The following PTPRB variants were observed in gnomAD, a reference collection of about 807,000 sequenced individuals.
The protein encoded by PTPRB is protein tyrosine phosphatase receptor type B.
A neutral mutation model predicts 238.1 loss-of-function variants in PTPRB; 97 were observed. The observed-to-expected ratio is 0.41, with a 90% CI of 0.35 to 0.48. The LOEUF is 0.48. Ranked by LOEUF, PTPRB falls within the 20% of genes least tolerant of loss-of-function variation. PTPRB has a pLI of 0.30. For missense variants in PTPRB, 2,292 were observed against 2,681.9 expected (o/e 0.85, Z 3.21); for synonymous variants, 970 against 995.4 (o/e 0.97, Z 0.48).
intron 14 of PTPRB, 136 bp from the exon 15 acceptor site, chr12:70,566,840 T>A: frequency 1.1e-6 from 1 of 914,226 alleles, no homozygotes. Context: ...TGACACTTTC[T>A]GTGTGCCCTT....
chr12:70,543,033 T>G (rs1176702310), intron 22 of PTPRB: 1 of 152,128 alleles, frequency 6.6e-6, no homozygotes, highest in Non-Finnish European at 1.5e-5. Flanking sequence ...AATAAATATT[T>G]TCTTCCTATT....
intron 14 of PTPRB, 51 bp downstream of exon 14, chr12:70,569,624 G>A (rs544953767): frequency 8.1e-6 from 13 of 1,601,514 alleles, no homozygotes; most frequent in African/African-American, 2.7e-5. Flanking sequence ...TCCCATTTTG[G>A]AGAACCATGA....
At chr12:70,556,256 C>T in intron 18 of PTPRB, 108 bp from the exon 19 acceptor site, 1 of 974,756 alleles carries the variant, frequency 1.0e-6, no homozygotes, top group South Asian at 1.7e-5. Flanking sequence ...GAGGGACAGA[C>T]AGGCAAATAC....
intron 2 of PTPRB, among the ~76,000 whole-genome samples, chr12:70,625,698 G>C (rs1034717117): frequency 6.6e-6 from 1 of 152,098 alleles, no homozygotes; most frequent in Non-Finnish European, 1.5e-5. Flanking sequence ...TCATGGAATA[G>C]CAAGATGTTT....
At chr12:70,541,501 G>T (rs1256315046) in intron 22 of PTPRB, 1 of 152,342 alleles carries the variant, frequency 6.6e-6, no homozygotes, top group African/African-American at 2.4e-5. Flanking sequence ...ACCCATCTAA[G>T]TTGTACAATT....
intron 2 of PTPRB, among the ~76,000 whole-genome samples, chr12:70,630,105 G>T (rs536478878): frequency 1.3e-5 from 2 of 152,142 alleles, no homozygotes; most frequent in Admixed American, 1.3e-4. Context: ...GCCTGGCAGA[G>T]ACACAACAAA....
intron 31 of PTPRB, among the ~76,000 whole-genome samples, chr12:70,533,298 G>A (rs1873578959): frequency 1.3e-5 from 2 of 151,154 alleles, no homozygotes; most frequent in Admixed American, 6.5e-5. Context: ...TATTAAAAGT[G>A]TCAAGGTTCC....
At chr12:70,564,474 G>A (rs923544897) in intron 15 of PTPRB, among the ~76,000 whole-genome samples, 5 of 146,442 alleles carry the variant, frequency 3.4e-5, no homozygotes, top group African/African-American at 7.7e-5. Context: ...AGCTAAGATC[G>A]CACCACTGCA....
At chr12:70,607,548 CTTTTTTT>C (rs546758555) in intron 4 of PTPRB, among the ~76,000 whole-genome samples, 1 of 137,114 alleles carries the variant, frequency 7.3e-6, no homozygotes, top group African/African-American at 2.7e-5. Context: ...TTTTCCTTTT[CTTTTTTT>C]TTTTTTTTTT....
chr12:70,610,887 T>G (rs1884408161), intron 3 of PTPRB, among the ~76,000 whole-genome samples: 1 of 149,830 alleles, frequency 6.7e-6, no homozygotes, highest in Non-Finnish European at 1.5e-5. Context: ...CTCCACAAGT[T>G]AAAAAAAAAA....
intron 9 of PTPRB, among the ~76,000 whole-genome samples, chr12:70,583,044 A>C (rs1344071198): frequency 1.3e-5 from 2 of 152,130 alleles, no homozygotes; most frequent in East Asian, 3.9e-4. Flanking sequence ...TTTTAAAACA[A>C]ACTGCTAATA....
chr12:70,517,090 G>T lies in PTPRB; in HGVS notation c.*4399C>A, dbSNP rs1871253968. 6.6e-6 allele frequency: 1 copy of T among 152,098 alleles called. No homozygotes were observed. Among genetic ancestry groups the T allele is most frequent in the Admixed American group, 6.5e-5 (1 of 15,268 alleles). The allele number at this position is 152,098 out of a possible 1,614,324, so 9.4% of individuals were successfully genotyped here. A position where few individuals can be genotyped will look rare whatever the true frequency, so the allele number is the denominator to read the frequency against. On this transcript the variant is annotated 3_prime_UTR_variant, in exon 34 of 34. Coordinates refer to ENST00000334414, the MANE Select transcript of PTPRB (RefSeq NM_001109754.4). ...GTTACCCTGCATTTTAACTAAAATG[G>T]CCAAACATTTTCAAAGTCATCATGC...
intron 11 of PTPRB, among the ~76,000 whole-genome samples, chr12:70,576,033 T>C (rs2136397646): frequency 6.6e-6 from 1 of 152,278 alleles, no homozygotes; most frequent in East Asian, 1.9e-4. Flanking sequence ...TTGACCTCCC[T>C]GAACCTTGGT....
intron 21 of PTPRB, among the ~76,000 whole-genome samples, chr12:70,544,996 G>A (rs1238845436): frequency 6.6e-6 from 1 of 152,202 alleles, no homozygotes; most frequent in Non-Finnish European, 1.5e-5. Context: ...TGTGTGCTAT[G>A]AAAAAGAAAA....
chr12:70,572,181 G>A (rs1880145120), intron 11 of PTPRB, 94 bp from the exon 12 acceptor site: 2 of 1,260,614 alleles, frequency 1.6e-6, no homozygotes, highest in Admixed American at 4.6e-5. Context: ...AGAGAGAGTA[G>A]ATTATTATTG....
chr12:70,617,289 C>A (rs550105571), intron 3 of PTPRB, among the ~76,000 whole-genome samples: 13 of 152,308 alleles, frequency 8.5e-5, no homozygotes, highest in African/African-American at 3.1e-4. Context: ...ATTAAGAAAA[C>A]TATAGTCCAT....
Position 70,519,893 on chromosome 12 carries a change from T to C in PTPRB, c.*1596A>G, listed in dbSNP as rs1871486233. Reference sequence around the variant, plus strand: ...AAACTTCAAATAACCTTGGAAAAATTTCCAGATTGGGTGTAGAGTTATTTA... The same window carrying C: ...AAACTTCAAATAACCTTGGAAAAATCTCCAGATTGGGTGTAGAGTTATTTA... On this transcript the variant is annotated 3_prime_UTR_variant, in exon 34 of 34. Transcript: ENST00000334414. The C allele has an allele frequency of 6.2e-6, 1 of 160,064 alleles. No individual in the cohort carries two copies. Among genetic ancestry groups the C allele is most frequent in the Non-Finnish European group, 1.4e-5 (1 of 73,158 alleles). 9.9% of individuals were successfully genotyped at this position (160,064 alleles called of 1,614,324 possible).
At chr12:70,577,086 A>G (rs575872696) in intron 10 of PTPRB, among the ~76,000 whole-genome samples, 1 of 152,340 alleles carries the variant, frequency 6.6e-6, no homozygotes, top group Admixed American at 6.5e-5. Context: ...GAAGAATACG[A>G]TAGCTTTTCT....
Position 70,609,091 on chromosome 12 carries a change from C to G in PTPRB, c.957G>C (p.Glu319Asp). The stretch of plus-strand genomic sequence containing the variant: ...TACCTGTTTGCAAGACCACTGTTCT[C>G]TCTTCATCCAGAGAAATAATCCTGA... ...YNFRIISLDE[E>D]RTVVLQTDPL... Residue 319 changes from glutamate (E) to aspartate (D), a missense_variant, in exon 4 of 34, where the codon GAG becomes GAC. By Grantham distance (45) the Glu-to-Asp change is conservative. Coordinates refer to ENST00000334414, the MANE Select transcript of PTPRB (RefSeq NM_001109754.4). 1 of 1,614,024 alleles carries G rather than the reference C, an allele frequency of 6.2e-7. No homozygotes were observed.
Sources: gnomAD v4.1 joint callset for allele counts (sites outside exome capture counted in the v4.1 genomes callset) on GRCh38, gnomAD v4.1.1 for gene constraint, MANE v1.5 for transcripts, NCBI Gene and HGNC (gene_info 2026-07-23, HGNC 2026-07-21) for gene names.